Variants in BTBD16 observed in about 807,000 individuals in gnomAD.
BTBD16 encodes the protein BTB domain containing 16.
Under a neutral mutation model 67.4 loss-of-function variants are expected in BTBD16, and 66 were observed. That is an observed-to-expected ratio of 0.98 (90% confidence interval 0.80 to 1.20). BTBD16 has a LOEUF of 1.20. Among genes scored for constraint, BTBD16 ranks in the 50% most tolerant of loss-of-function variants. The pLI is 0.00. For missense variants in BTBD16, 634 were observed against 616.0 expected (o/e 1.03, Z -0.31); for synonymous variants, 242 against 236.4 (o/e 1.02, Z -0.22).
intron 9 of BTBD16, among the ~76,000 whole-genome samples, chr10:122,304,852 C>T (rs949395980): frequency 6.6e-6 from 1 of 152,164 alleles, no homozygotes; most frequent in Non-Finnish European, 1.5e-5. Context: ...TGCGCCTGGC[C>T]AGCAGCTATT....
chr10:122,286,355 CAA>C (rs1460418197), intron 5 of BTBD16, 107 bp downstream of exon 5: 6 of 1,446,946 alleles, frequency 4.1e-6, no homozygotes, highest in South Asian at 1.5e-5. Context: ...CTCTAGCAGT[CAA>C]GAGTAAGGCT....
chr10:122,337,339 G>A (rs1330360863), intron 15 of BTBD16, among the ~76,000 whole-genome samples: 2 of 152,226 alleles, frequency 1.3e-5, no homozygotes, highest in Non-Finnish European at 2.9e-5. Context: ...TGTTTTCTAT[G>A]ACGTTAGAAA....
intron 10 of BTBD16, among the ~76,000 whole-genome samples, chr10:122,314,993 A>G (rs1395214248): frequency 6.6e-6 from 1 of 152,066 alleles, no homozygotes; most frequent in African/African-American, 2.4e-5. Flanking sequence ...TAATTCCCCA[A>G]TCTGTGTATG....
At chr10:122,318,893 A>T (rs1371622622) in intron 10 of BTBD16, among the ~76,000 whole-genome samples, 3 of 152,130 alleles carry the variant, frequency 2.0e-5, no homozygotes, top group Non-Finnish European at 4.4e-5. Context: ...CCTTGCTAAC[A>T]TTTGGTCAGC....
At chr10:122,325,482 C>T (rs540951147) in intron 10 of BTBD16, among the ~76,000 whole-genome samples, 1 of 152,200 alleles carries the variant, frequency 6.6e-6, no homozygotes, top group Non-Finnish European at 1.5e-5. Flanking sequence ...ACAACACACA[C>T]TCACCAGGAC....
Position 122,338,021 on chromosome 10 carries a change from TG to T in BTBD16, c.1458del (p.Ile488SerfsTer10). The T allele has an allele frequency of 6.2e-7, 1 of 1,611,520 alleles. No homozygotes were observed. Among genetic ancestry groups the T allele is most frequent in the Non-Finnish European group, 8.5e-7 (1 of 1,177,808 alleles). ...TTGTTTTTTTTCATGTTTTAGACCTTGAAAATCCAAACTGTGGGCATCCCAA... is the reference window on the plus strand; with the variant it reads ...TTGTTTTTTTTCATGTTTTAGACCTTAAAATCCAAACTGTGGGCATCCCAA... ...LTTSSCKSHTLKIQTVGIPIY... is the reference protein window; with the variant it reads ...LTTSSCKSHTXKIQTVGIPIY... On this transcript the variant is annotated frameshift_variant, in exon 16 of 16. Coordinates refer to ENST00000260723, the MANE Select transcript of BTBD16 (RefSeq NM_144587.5). LOFTEE classifies it high-confidence loss of function.
chr10:122,275,890 C>CA (rs141331090), intron 2 of BTBD16, among the ~76,000 whole-genome samples: 4 of 151,038 alleles, frequency 2.6e-5, no homozygotes, highest in South Asian at 2.1e-4. Context: ...GACAGGTGTT[C>CA]AAAAAAAAAC....
chr10:122,274,971 T>C (rs552102078), intron 1 of BTBD16, 69 bp from the exon 2 acceptor site: 3 of 1,056,788 alleles, frequency 2.8e-6, no homozygotes, highest in African/African-American at 1.6e-5. Flanking sequence ...ATAGATTCTT[T>C]AGGCCAATCT....
chr10:122,332,856 C>T, intron 13 of BTBD16: 1 of 985,406 alleles, frequency 1.0e-6, no homozygotes, highest in Non-Finnish European at 1.2e-6. Flanking sequence ...TTCCCACAAA[C>T]ACCAACAGTT....
At chr10:122,332,254 A>T (rs2096456306) in intron 12 of BTBD16, 182 bp from the exon 13 acceptor site, 1 of 597,360 alleles carries the variant, frequency 1.7e-6, no homozygotes, top group Non-Finnish European at 3.0e-6. Flanking sequence ...ACAGTGCCAG[A>T]CACAGTAAGT....
At chr10:122,281,941 A>G (rs1051696775) in intron 3 of BTBD16, among the ~76,000 whole-genome samples, 2 of 152,176 alleles carry the variant, frequency 1.3e-5, no homozygotes, top group East Asian at 1.9e-4. Flanking sequence ...AAGCATTGCA[A>G]TGGGACCACT....
In BTBD16 at chr10:122,299,142, C is replaced by T; in HGVS notation, c.791+8C>T. On this transcript the variant is annotated splice_region_variant and intron_variant, in intron 9 of 15. Transcript: ENST00000260723. Reference sequence around the variant, plus strand: ...AGTGCTGAAGTCCCCCAGGTCAGAGCTGGCTCCCAGGGTGCGGCCCCTGAG... The same window carrying T: ...AGTGCTGAAGTCCCCCAGGTCAGAGTTGGCTCCCAGGGTGCGGCCCCTGAG... The T allele has an allele frequency of 6.2e-7, 1 of 1,613,234 alleles. No individual in the cohort carries two copies.
Position 122,301,815 on chromosome 10 carries a change from A to G in BTBD16, c.791+2681A>G, listed in dbSNP as rs79979446. On this transcript the variant is annotated intron_variant, in intron 9 of 15. Coordinates refer to ENST00000260723, the MANE Select transcript of BTBD16 (RefSeq NM_144587.5). ...ATCCCCACCACCCCACGTGGTGGTCACAGTTATTATCCCTGATATAAGAGG... is the reference window on the plus strand; with the variant it reads ...ATCCCCACCACCCCACGTGGTGGTCGCAGTTATTATCCCTGATATAAGAGG... 8.8e-3 allele frequency among the ~76,000 whole-genome samples: 1,334 copies of G among 152,228 alleles called. 19 individuals carry two copies. The highest frequency in any genetic ancestry group is 0.03 in the African/African-American group (1,244 of 41,544).
At chr10:122,331,131 G>T in intron 11 of BTBD16, 45 bp from the exon 12 acceptor site, 1 of 1,597,588 alleles carries the variant, frequency 6.3e-7, no homozygotes, top group Non-Finnish European at 8.5e-7. Flanking sequence ...TTGAGGCTCT[G>T]GTGTGAATAA....
intron 9 of BTBD16, among the ~76,000 whole-genome samples, chr10:122,306,821 A>G (rs1241176705): frequency 6.6e-6 from 1 of 152,248 alleles, no homozygotes; most frequent in Non-Finnish European, 1.5e-5. Context: ...CATCTATAAA[A>G]GTAAGGACTA....
intron 5 of BTBD16, chr10:122,287,335 A>G (rs1050448096): frequency 1.6e-5 from 12 of 738,796 alleles, no homozygotes; most frequent in African/African-American, 1.9e-5. Context: ...GTTCATGGAA[A>G]AGCAGGAGAA....
chr10:122,327,581 A>T, intron 10 of BTBD16: 2 of 985,366 alleles, frequency 2.0e-6, no homozygotes, highest in Non-Finnish European at 2.4e-6. Flanking sequence ...CGGGGGTCCC[A>T]GCTTGGTTGG....
Position 122,331,264 on chromosome 10 carries a change from T to C in BTBD16, c.1086+6T>C. On this transcript the variant is annotated splice_donor_region_variant and intron_variant, in intron 12 of 15. Coordinates refer to ENST00000260723, the MANE Select transcript of BTBD16 (RefSeq NM_144587.5). The stretch of plus-strand genomic sequence containing the variant: ...CAGTCAACCATTACCACGCAGTGAG[T>C]TGCCTGCTCTGCAAGGACACAGTTG... 6.2e-7 allele frequency: 1 copy of C among 1,611,788 alleles called. No individual in the cohort carries two copies. The highest frequency in any genetic ancestry group is 8.5e-7 in the Non-Finnish European group (1 of 1,179,480).
intron 1 of BTBD16, among the ~76,000 whole-genome samples, chr10:122,274,483 A>C (rs1052238761): frequency 2.0e-5 from 3 of 151,660 alleles, no homozygotes; most frequent in Admixed American, 6.6e-5. Flanking sequence ...CCATCCTTCC[A>C]ATCAATCTTA....
Sources: gnomAD v4.1 joint callset for allele counts (sites outside exome capture counted in the v4.1 genomes callset) on GRCh38, gnomAD v4.1.1 for gene constraint, MANE v1.5 for transcripts, NCBI Gene and HGNC (gene_info 2026-07-23, HGNC 2026-07-21) for gene names.